The following PARP11 variants were observed in gnomAD, a reference collection of about 807,000 sequenced individuals.
The protein encoded by PARP11 is protein mono-ADP-ribosyltransferase PARP11.
Under a neutral mutation model 42.9 loss-of-function variants are expected in PARP11, and 31 were observed. That is an observed-to-expected ratio of 0.72 (90% CI 0.54 to 0.98). PARP11 has a LOEUF of 0.98. Among genes scored for constraint, PARP11 ranks in the 50% least tolerant of loss-of-function variants. The pLI is 0.00. For missense variants in PARP11, 365 were observed against 413.1 expected, an observed-to-expected ratio of 0.88 and a Z score of 1.01; for synonymous variants, 137 against 127.3, an observed-to-expected ratio of 1.08 and a Z score of -0.51.
chr12:3,870,893 AAT>A (rs1355732371), intron 1 of PARP11, among the ~76,000 whole-genome samples: 1 of 152,258 alleles, frequency 6.6e-6, no homozygotes, highest in African/African-American at 2.4e-5. Flanking sequence ...AGTGAAACTG[AAT>A]ATATAAGCAG....
chr12:3,824,538 TA>T, intron 4 of PARP11: 1 of 449,150 alleles, frequency 2.2e-6, no homozygotes, highest in Non-Finnish European at 2.9e-6. Flanking sequence ...TAAATATTTC[TA>T]TATCAGCACC....
chr12:3,859,790 C>A (rs745774319), intron 1 of PARP11, among the ~76,000 whole-genome samples: 4 of 152,064 alleles, frequency 2.6e-5, no homozygotes, highest in Non-Finnish European at 4.4e-5. Flanking sequence ...CATAAAAAAG[C>A]TGGAGTGGCT....
In PARP11 at chr12:3,854,104, C is replaced by T. The variant is rs571149698; in HGVS notation, c.18+19108G>A. On this transcript the variant is annotated intron_variant, in intron 1 of 7. Transcript: ENST00000228820. ...GAAACCAATGAGAACAAAGATACAA[C>T]GTACCAGAATCTCTGGGACACATTT... is the stretch of plus-strand genomic sequence containing the variant. Among the ~76,000 whole-genome samples, 10 of 152,292 alleles carry T rather than the reference C, an allele frequency of 6.6e-5. No homozygotes were observed. In the South Asian group the frequency reaches 1.0e-3, roughly 16 times the overall value.
chr12:3,872,528 A>G (rs1414806954), intron 1 of PARP11: 1 of 985,146 alleles, frequency 1.0e-6, no homozygotes, highest in Non-Finnish European at 1.2e-6. Flanking sequence ...CAGCCAAGGA[A>G]GAAGGCAGAC....
chr12:3,811,821 G>C lies in PARP11; in HGVS notation c.*302C>G, dbSNP rs576191476. The C allele has an allele frequency of 2.3e-5, 7 of 305,148 alleles. No homozygotes were observed. Among genetic ancestry groups the C allele is most frequent in the South Asian group, 2.3e-4 (2 of 8,750 alleles). The allele number at this position is 305,148 out of a possible 1,614,324, so 18.9% of individuals were successfully genotyped here. On this transcript the variant is annotated 3_prime_UTR_variant, in exon 8 of 8. Coordinates refer to ENST00000228820, the MANE Select transcript of PARP11 (RefSeq NM_020367.6). ...TGATAACACACACGTAAACTTTAAAGATCTCAATGACCACATTAGTTGAGA... is the reference window on the plus strand; with the variant it reads ...TGATAACACACACGTAAACTTTAAACATCTCAATGACCACATTAGTTGAGA...
chr12:3,839,380 G>T (rs1049470211), intron 1 of PARP11: 20 of 1,551,468 alleles, frequency 1.3e-5, no homozygotes, highest in Non-Finnish European at 1.6e-5. Context: ...GCCCATGGAC[G>T]CCTATCTGCG....
chr12:3,810,670 GGAAGGAAGGAAGGAAA>G lies in PARP11; in HGVS notation c.*1437_*1452del, dbSNP rs1389620032. 1 of 136,218 alleles carries G rather than the reference GGAAGGAAGGAAGGAAA, an allele frequency of 7.3e-6. No homozygotes were observed. The highest frequency in any genetic ancestry group is 1.5e-5 in the Non-Finnish European group (1 of 65,322). The allele number at this position is 136,218 out of a possible 1,614,324, so 8.4% of individuals were successfully genotyped here. ...AAGAAGGAAGGAAGGAAGGAAGGAA[GGAAGGAAGGAAGGAAA>G]GAAAGAAGGAAGGAAGAGAGAGAGA... On this transcript the variant is annotated 3_prime_UTR_variant, in exon 8 of 8. Transcript: ENST00000228820.
At chr12:3,837,768 C>T (rs1947798029) in intron 1 of PARP11, among the ~76,000 whole-genome samples, 1 of 151,170 alleles carries the variant, frequency 6.6e-6, no homozygotes, top group African/African-American at 2.4e-5. Flanking sequence ...AGATGTTCCA[C>T]GCAATTGGAA....
intron 6 of PARP11, among the ~76,000 whole-genome samples, chr12:3,816,799 G>A (rs910854666): frequency 1.3e-5 from 2 of 152,222 alleles, no homozygotes; most frequent in Non-Finnish European, 1.5e-5. Flanking sequence ...CTACTTGGGA[G>A]GCTGAGGCAG....
intron 1 of PARP11, among the ~76,000 whole-genome samples, chr12:3,859,322 T>G (rs1448275416): frequency 6.6e-6 from 1 of 152,062 alleles, no homozygotes; most frequent in Non-Finnish European, 1.5e-5. Flanking sequence ...CCTAGCACTT[T>G]GCGAGGCCGA....
chr12:3,839,803 C>G, intron 1 of PARP11: 1 of 1,147,740 alleles, frequency 8.7e-7, no homozygotes, highest in Non-Finnish European at 1.3e-6. Flanking sequence ...TCAGTCTCTC[C>G]TTTATGAATT....
chr12:3,850,248 A>G (rs112403219), intron 1 of PARP11, among the ~76,000 whole-genome samples: 5 of 152,270 alleles, frequency 3.3e-5, no homozygotes, highest in South Asian at 2.1e-4. Flanking sequence ...TAATAATAAA[A>G]ATGTATAGTT....
chr12:3,839,945 TTGC>T, intron 1 of PARP11: 1 of 1,224,942 alleles, frequency 8.2e-7, no homozygotes, highest in Non-Finnish European at 1.2e-6. Context: ...AAAACTGCTG[TTGC>T]TGCTGCTGAT....
chr12:3,864,626 A>T (rs931430252), intron 1 of PARP11, among the ~76,000 whole-genome samples: 2 of 152,160 alleles, frequency 1.3e-5, no homozygotes, highest in African/African-American at 2.4e-5. Flanking sequence ...TTCTTCAGTG[A>T]GCTTTAGCAG....
Position 3,840,590 on chromosome 12 carries a change from A to T in PARP11, c.19-10572T>A. ...GATCGTGAAAGAGTTGAGGATTCTG[A>T]TCACACAAGTCGAGAATCTAACTAT... On this transcript the variant is annotated intron_variant, in intron 1 of 7. Coordinates refer to ENST00000228820, the MANE Select transcript of PARP11 (RefSeq NM_020367.6). The surrounding 1 kb of genome is among the most constrained non-coding windows in gnomAD (Gnocchi z 4.4). The T allele has an allele frequency of 2.1e-6, 3 of 1,431,228 alleles. No individual in the cohort carries two copies. Among genetic ancestry groups the T allele is most frequent in the Non-Finnish European group, 3.0e-6 (3 of 1,013,382 alleles). The allele number at this position is 1,431,228 out of a possible 1,614,324, so 88.7% of individuals were successfully genotyped here.
At chr12:3,853,541 C>T (rs1243660538) in intron 1 of PARP11, among the ~76,000 whole-genome samples, 1 of 152,080 alleles carries the variant, frequency 6.6e-6, no homozygotes, top group African/African-American at 2.4e-5. Flanking sequence ...ACAAAGATGG[C>T]CATTACATAA....
chr12:3,864,245 T>A (rs1358899711), intron 1 of PARP11, among the ~76,000 whole-genome samples: 1 of 152,266 alleles, frequency 6.6e-6, no homozygotes, highest in African/African-American at 2.4e-5. Flanking sequence ...CATTGATGGC[T>A]GTTCAAATAT....
chr12:3,868,626 T>C (rs138530843), intron 1 of PARP11, among the ~76,000 whole-genome samples: 1,725 of 152,270 alleles, frequency 0.011, 25 homozygotes, highest in African/African-American at 0.039. Flanking sequence ...AGTGAAAACA[T>C]CTTATTCCTG....
intron 1 of PARP11, chr12:3,839,846 G>C: frequency 8.8e-7 from 1 of 1,132,688 alleles, no homozygotes; most frequent in Non-Finnish European, 1.4e-6. Context: ...ACTGATGTTA[G>C]TAAAATTGTG....
Sources: gnomAD v4.1 joint callset for allele counts (sites outside exome capture counted in the v4.1 genomes callset) on GRCh38, gnomAD v4.1.1 for gene constraint, Gnocchi (gnomAD v3.1) non-coding constraint, MANE v1.5 for transcripts, NCBI Gene and HGNC (gene_info 2026-07-23, HGNC 2026-07-21) for gene names.